AKAP6: variants seen among roughly 807,000 people sequenced by gnomAD.
AKAP6 encodes the protein A-kinase anchor protein 6.
Under a neutral mutation model 188.5 loss-of-function variants are expected in AKAP6, and 58 were observed. The observed-to-expected ratio is 0.31, with a 90% CI of 0.25 to 0.38. AKAP6 has a LOEUF of 0.38. Among genes scored for constraint, AKAP6 ranks in the 10% least tolerant of loss-of-function variants. The pLI, the probability that AKAP6 is intolerant of heterozygous loss-of-function variation, is 1.00. For missense variants in AKAP6, 2,710 were observed against 2,740.0 expected (o/e 0.99, Z 0.24); for synonymous variants, 989 against 998.6 (o/e 0.99, Z 0.18).
rs115545227 is a variant in AKAP6, at chr14:32,711,669, T to C, written c.3000+15559T>C. Among the ~76,000 whole-genome samples, 674 of 152,178 alleles carry C rather than the reference T, an allele frequency of 4.4e-3. 10 individuals are homozygous for C. Among genetic ancestry groups the C allele is most frequent in the African/African-American group, 0.014 (594 of 41,552 alleles). On this transcript the variant is annotated intron_variant, in intron 9 of 13. Coordinates refer to ENST00000280979, the MANE Select transcript of AKAP6 (RefSeq NM_004274.5). ...CAGATCTCTATATGTTAATTTCCCT[T>C]GAAGGGAATGGATGGACCTCATCTC... is the stretch of plus-strand genomic sequence containing the variant.
chr14:32,756,245 G>A (rs1255979719), intron 11 of AKAP6, among the ~76,000 whole-genome samples: 2 of 152,220 alleles, frequency 1.3e-5, no homozygotes, highest in African/African-American at 2.4e-5. Flanking sequence ...GTTCTCTAGT[G>A]TCAACCTGGT....
intron 1 of AKAP6, among the ~76,000 whole-genome samples, chr14:32,431,901 T>C (rs766332176): frequency 2.6e-5 from 4 of 152,152 alleles, no homozygotes; most frequent in African/African-American, 9.7e-5. Context: ...TCTGAAAAAA[T>C]ATGTCATAGG....
intron 11 of AKAP6, among the ~76,000 whole-genome samples, chr14:32,746,190 G>A (rs750549103): frequency 6.6e-5 from 10 of 151,948 alleles, no homozygotes; most frequent in East Asian, 1.9e-4. Context: ...TCTAAGATGC[G>A]AGACCAAGTC....
intron 1 of AKAP6, among the ~76,000 whole-genome samples, chr14:32,422,187 G>A (rs888256497): frequency 4.6e-5 from 7 of 152,044 alleles, no homozygotes; most frequent in Admixed American, 2.0e-4. Context: ...GGCCAAGCTT[G>A]AGGTTAAGGG....
intron 1 of AKAP6, chr14:32,384,939 T>C (rs1341222594): frequency 6.6e-6 from 1 of 152,074 alleles, no homozygotes; most frequent in Non-Finnish European, 1.5e-5. Flanking sequence ...ATTCAACTTA[T>C]GGTAATGGGT....
At chr14:32,704,529 C>G (rs998440531) in intron 9 of AKAP6, among the ~76,000 whole-genome samples, 2 of 152,104 alleles carry the variant, frequency 1.3e-5, no homozygotes, top group African/African-American at 4.8e-5. Flanking sequence ...AGCAGTGACC[C>G]TCACCTACTT....
At chr14:32,705,262 G>A (rs1368188946) in intron 9 of AKAP6, among the ~76,000 whole-genome samples, 1 of 152,114 alleles carries the variant, frequency 6.6e-6, no homozygotes, top group African/African-American at 2.4e-5. Flanking sequence ...TCTACTGAAT[G>A]CAGATATTCT....
At chr14:32,450,365 G>A (rs577854707) in intron 2 of AKAP6, among the ~76,000 whole-genome samples, 3 of 151,986 alleles carry the variant, frequency 2.0e-5, no homozygotes, top group African/African-American at 4.8e-5. Context: ...GGATTGATTT[G>A]TGGCAACTTA....
At chr14:32,409,921 A>G (rs904915336) in intron 1 of AKAP6, among the ~76,000 whole-genome samples, 18 of 152,070 alleles carry the variant, frequency 1.2e-4, no homozygotes, top group African/African-American at 4.1e-4. Flanking sequence ...TAAGGAACCT[A>G]GGGAGTCATG....
chr14:32,335,788 C>T lies in AKAP6; in HGVS notation c.-35+6380C>T, dbSNP rs547877339. On this transcript the variant is annotated intron_variant, in intron 1 of 13. Coordinates refer to ENST00000280979, the MANE Select transcript of AKAP6 (RefSeq NM_004274.5). Reference sequence around the variant, plus strand: ...CTTTGTTTAACTCTCATTTAAATTACACAACATATTTATGCTGTCTGGGTA... The same window carrying T: ...CTTTGTTTAACTCTCATTTAAATTATACAACATATTTATGCTGTCTGGGTA... Among the ~76,000 whole-genome samples the T allele has an allele frequency of 2.1e-5, 3 of 144,918 alleles. No homozygotes were observed. In the South Asian group the frequency reaches 6.7e-4, roughly 33 times the overall value.
chr14:32,491,581 C>T (rs1880017428), intron 2 of AKAP6, among the ~76,000 whole-genome samples: 1 of 152,220 alleles, frequency 6.6e-6, no homozygotes, highest in Admixed American at 6.5e-5. Flanking sequence ...TGTCCTTGTT[C>T]AGGGACTACC....
chr14:32,473,289 G>A (rs1477064746), intron 2 of AKAP6, among the ~76,000 whole-genome samples: 1 of 152,196 alleles, frequency 6.6e-6, no homozygotes, highest in Non-Finnish European at 1.5e-5. Flanking sequence ...GTGCTGTGCA[G>A]GAAGCCTACT....
At chr14:32,496,184 T>C (rs1272068276) in intron 2 of AKAP6, among the ~76,000 whole-genome samples, 1 of 152,180 alleles carries the variant, frequency 6.6e-6, no homozygotes, top group Non-Finnish European at 1.5e-5. Flanking sequence ...GTTTTGTAAT[T>C]AGAATGACTT....
chr14:32,813,748 A>G (rs1441932500), intron 12 of AKAP6, among the ~76,000 whole-genome samples: 2 of 151,906 alleles, frequency 1.3e-5, no homozygotes, highest in Admixed American at 6.6e-5. Context: ...AAATCCTTAT[A>G]TTTTTTTGTA....
intron 9 of AKAP6, among the ~76,000 whole-genome samples, chr14:32,716,867 C>A (rs891954801): frequency 6.6e-6 from 1 of 151,918 alleles, no homozygotes. Flanking sequence ...ACCAAAAAAT[C>A]TTATTACAAA....
At chr14:32,531,991 A>T (rs1882439831) in intron 2 of AKAP6, among the ~76,000 whole-genome samples, 1 of 152,150 alleles carries the variant, frequency 6.6e-6, no homozygotes, top group African/African-American at 2.4e-5. Flanking sequence ...TTTCTCTTGG[A>T]TAAACACCCA....
At chr14:32,448,289 C>A (rs1890825525) in intron 2 of AKAP6, among the ~76,000 whole-genome samples, 1 of 152,180 alleles carries the variant, frequency 6.6e-6, no homozygotes, top group South Asian at 2.1e-4. Flanking sequence ...ACACCCTAAG[C>A]AAACTGTAAA....
intron 2 of AKAP6, among the ~76,000 whole-genome samples, chr14:32,465,039 G>A (rs531137448): frequency 3.3e-5 from 5 of 152,224 alleles, no homozygotes; most frequent in African/African-American, 4.8e-5. Flanking sequence ...CAAGGGATGC[G>A]AAGGACCTCT....
intron 7 of AKAP6, among the ~76,000 whole-genome samples, chr14:32,667,547 A>C (rs748117372): frequency 2.0e-5 from 3 of 152,106 alleles, no homozygotes; most frequent in Non-Finnish European, 4.4e-5. Context: ...TATTCATCAA[A>C]TGATCAAAAT....
Sources: gnomAD v4.1 joint callset for allele counts (sites outside exome capture counted in the v4.1 genomes callset) on GRCh38, gnomAD v4.1.1 for gene constraint, MANE v1.5 for transcripts, NCBI Gene and HGNC (gene_info 2026-07-23, HGNC 2026-07-21) for gene names.